Variants in SLC17A8 observed in about 807,000 individuals in gnomAD.
The protein encoded by SLC17A8 is vesicular glutamate transporter 3.
A neutral mutation model predicts 58.0 loss-of-function variants in SLC17A8; 31 were observed. The observed-to-expected ratio is 0.53, with a 90% CI of 0.40 to 0.72. The LOEUF (loss-of-function observed/expected upper bound fraction) is 0.72, where lower values mean the gene tolerates loss of function less well. Among genes scored for constraint, SLC17A8 ranks in the 30% least tolerant of loss-of-function variants. The pLI is 0.00. For missense variants in SLC17A8, 655 were observed against 727.8 expected (o/e 0.90, Z 1.15); for synonymous variants, 228 against 249.0 (o/e 0.92, Z 0.79).
At chr12:100,389,276 C>A (rs911897932) in intron 2 of SLC17A8, among the ~76,000 whole-genome samples, 17 of 152,122 alleles carry the variant, frequency 1.1e-4, no homozygotes, top group African/African-American at 4.1e-4. Flanking sequence ...GTGTGCCAGT[C>A]ACTATCCTAA....
chr12:100,399,974 C>T (rs1952780238), intron 5 of SLC17A8, among the ~76,000 whole-genome samples: 1 of 152,126 alleles, frequency 6.6e-6, no homozygotes, highest in African/African-American at 2.4e-5. Context: ...ATCTGCCTCC[C>T]CTCCTCCAGC....
At chr12:100,412,747 T>G (rs1952878838) in intron 9 of SLC17A8, 23 bp from the exon 10 acceptor site, 1 of 1,520,164 alleles carries the variant, frequency 6.6e-7, no homozygotes, top group African/African-American at 1.4e-5. Context: ...GACATTTTTT[T>G]CCCTTGCTGT....
In SLC17A8 at chr12:100,386,692, C is replaced by CTTT. The variant is rs60474852; in HGVS notation, c.355-4297_355-4295dup. On this transcript the variant is annotated intron_variant, in intron 2 of 11. Coordinates refer to ENST00000323346, the MANE Select transcript of SLC17A8 (RefSeq NM_139319.3). ...TCCATTGGTGTGTATACCACATTTC[C>CTTT]TTTTTTTTTTTTTTGAGATGGGGTC... 5.6e-3 allele frequency among the ~76,000 whole-genome samples: 779 copies of CTTT among 140,356 alleles called. 10 individuals carry two copies. Among genetic ancestry groups the CTTT allele is most frequent in the South Asian group, 9.0e-3 (40 of 4,456 alleles). The allele number at this position is 140,356 out of a possible 152,430, so 92.1% of individuals were successfully genotyped here. A position where few individuals can be genotyped will look rare whatever the true frequency, so the allele number is the denominator to read the frequency against.
chr12:100,393,406 A>T lies in SLC17A8; in HGVS notation c.511A>T (p.Asn171Tyr). Reference sequence around the variant, plus strand: ...TGCCATCTTCTTAACATCGACTCTGAACATGTTTATTCCCTCTGCAGCCAG... The same window carrying T: ...TGCCATCTTCTTAACATCGACTCTGTACATGTTTATTCCCTCTGCAGCCAG... Reference protein sequence around the residue: ...GAAIFLTSTLNMFIPSAARVH... With the variant: ...GAAIFLTSTLYMFIPSAARVH... The change falls in exon 4 of 12, where the codon AAC becomes TAC. Residue 171 changes from asparagine (N) to tyrosine (Y), a missense_variant. Asn to Tyr is a moderately radical substitution (Grantham distance 143, BLOSUM62 -2). Transcript: ENST00000323346. 6.2e-7 allele frequency: 1 copy of T among 1,613,832 alleles called. No homozygotes were observed.
intron 3 of SLC17A8, 110 bp from the exon 4 acceptor site, chr12:100,393,259 G>T (rs1261427025): frequency 2.7e-6 from 2 of 753,092 alleles, no homozygotes; most frequent in East Asian, 5.6e-5. Flanking sequence ...CTTTCCACAG[G>T]GATTTCCACA....
chr12:100,363,553 A>G (rs4297551), intron 1 of SLC17A8, among the ~76,000 whole-genome samples: 20,013 of 151,972 alleles, frequency 0.13, 1,610 homozygotes, highest in Non-Finnish European at 0.18. Context: ...TTTAGTAGAG[A>G]TGGGGTTTCG....
At chr12:100,404,308 C>T (rs1376131688) in intron 9 of SLC17A8, 138 bp downstream of exon 9, 2 of 1,109,624 alleles carry the variant, frequency 1.8e-6, no homozygotes, top group East Asian at 2.6e-5. Context: ...TCAGCAGACA[C>T]TTGAGTGTTG....
chr12:100,408,546 C>T (rs768946909), intron 9 of SLC17A8, among the ~76,000 whole-genome samples: 3 of 152,178 alleles, frequency 2.0e-5, no homozygotes, highest in Non-Finnish European at 4.4e-5. Context: ...TATCCTTAAG[C>T]TCCTGAAACA....
intron 2 of SLC17A8, among the ~76,000 whole-genome samples, chr12:100,388,012 A>G (rs886520656): frequency 7.2e-5 from 11 of 152,122 alleles, no homozygotes; most frequent in Admixed American, 4.6e-4. Context: ...CCTCTCTTGC[A>G]TTAACACCTA....
At chr12:100,385,080 C>G (rs1952663437) in intron 2 of SLC17A8, among the ~76,000 whole-genome samples, 1 of 151,614 alleles carries the variant, frequency 6.6e-6, no homozygotes, top group African/African-American at 2.4e-5. Context: ...TAACTAGAAT[C>G]TCTGTGGGTT....
rs760449864 is a variant in SLC17A8, at chr12:100,420,119, C to A, written c.1730C>A (p.Ser577Tyr). Residue 577 changes from serine (S) to tyrosine (Y), a missense_variant, in exon 12 of 12, where the codon TCC becomes TAC. Transcript: ENST00000323346. Reference protein sequence around the residue: ...GATLDEEELTSYQNEERNFST... With the variant: ...GATLDEEELTYYQNEERNFST... ...ACCCTTGATGAGGAAGAGCTGACATCCTACCAGAATGAAGAGAGAAACTTC... is the reference window on the plus strand; with the variant it reads ...ACCCTTGATGAGGAAGAGCTGACATACTACCAGAATGAAGAGAGAAACTTC... 1.9e-5 allele frequency: 31 copies of A among 1,613,738 alleles called. No individual in the cohort carries two copies. The highest frequency in any genetic ancestry group is 2.6e-5 in the Non-Finnish European group (31 of 1,179,906).
intron 1 of SLC17A8, among the ~76,000 whole-genome samples, chr12:100,372,247 C>A (rs1179568087): frequency 6.6e-6 from 1 of 152,130 alleles, no homozygotes; most frequent in Admixed American, 6.6e-5. Context: ...CTCCTGAGGC[C>A]TTTGTCCTTG....
At chr12:100,408,811 C>G (rs1952844720) in intron 9 of SLC17A8, among the ~76,000 whole-genome samples, 1 of 152,138 alleles carries the variant, frequency 6.6e-6, no homozygotes, top group Admixed American at 6.5e-5. Context: ...TTAGGATAGG[C>G]ACTTCTAAGA....
At chr12:100,373,137 C>A (rs1326846743) in intron 1 of SLC17A8, among the ~76,000 whole-genome samples, 1 of 152,086 alleles carries the variant, frequency 6.6e-6, no homozygotes, top group East Asian at 1.9e-4. Flanking sequence ...GGCCAGCAGT[C>A]TGCAGACCGC....
At chr12:100,413,244 CG>C (rs1183678440) in intron 10 of SLC17A8, among the ~76,000 whole-genome samples, 1 of 152,114 alleles carries the variant, frequency 6.6e-6, no homozygotes, top group African/African-American at 2.4e-5. Context: ...TTTCAAGCCT[CG>C]CCCTCTTGCT....
chr12:100,365,452 C>T (rs188023476), intron 1 of SLC17A8, among the ~76,000 whole-genome samples: 150 of 152,254 alleles, frequency 9.9e-4, no homozygotes, highest in African/African-American at 3.5e-3. Context: ...CTTATTGCAG[C>T]CTAGACTTGC....
chr12:100,395,046 G>T (rs980312285), intron 4 of SLC17A8, among the ~76,000 whole-genome samples: 1 of 152,028 alleles, frequency 6.6e-6, no homozygotes, highest in Admixed American at 6.5e-5. Flanking sequence ...CTAAATTTTA[G>T]TCACTTAACA....
intron 9 of SLC17A8, among the ~76,000 whole-genome samples, chr12:100,407,080 T>C (rs1028841780): frequency 3.9e-5 from 6 of 152,246 alleles, no homozygotes; most frequent in Non-Finnish European, 8.8e-5. Context: ...ATACAACGTA[T>C]GAATGCACCT....
chr12:100,418,203 A>G (rs1332658583), intron 11 of SLC17A8, 47 bp downstream of exon 11: 1 of 1,612,596 alleles, frequency 6.2e-7, no homozygotes, highest in Non-Finnish European at 8.5e-7. Flanking sequence ...AGAGGACTGG[A>G]GCTCTACACA....
Sources: allele counts gnomAD v4.1 joint callset (sites outside exome capture counted in the v4.1 genomes callset), GRCh38; gene constraint gnomAD v4.1.1; transcripts MANE v1.5; gene names NCBI Gene and HGNC (gene_info 2026-07-23, HGNC 2026-07-21).